TMIGD1: variants seen among roughly 807,000 people sequenced by gnomAD.
TMIGD1 encodes transmembrane and immunoglobulin domain containing 1.
A neutral mutation model predicts 27.5 loss-of-function variants in TMIGD1; 29 were observed. The ratio of observed to expected loss-of-function variants is 1.05; its 90% CI spans 0.78 to 1.44. TMIGD1 has a LOEUF of 1.44. Ranked by LOEUF, TMIGD1 falls within the 40% of genes most tolerant of loss-of-function variation. The pLI is 0.00. For missense variants in TMIGD1, 334 were observed against 310.6 expected, an observed-to-expected ratio of 1.08 and a Z score of -0.57; for synonymous variants, 109 against 110.3, an observed-to-expected ratio of 0.99 and a Z score of 0.07.
chr17:30,317,610 A>C lies in TMIGD1; in HGVS notation c.745-377T>G, dbSNP rs1909458016. On this transcript the variant is annotated intron_variant, in intron 5 of 6. Transcript: ENST00000328886. Reference sequence around the variant, plus strand: ...CCTGTCTCTACTAAAAATACAAAAAAACAGCCAGGCATGGTGCCACATGCC... The same window carrying C: ...CCTGTCTCTACTAAAAATACAAAAACACAGCCAGGCATGGTGCCACATGCC... Among the ~76,000 whole-genome samples the C allele has an allele frequency of 2.0e-5, 3 of 151,960 alleles. No individual in the cohort carries two copies. The South Asian group carries it at 6.2e-4, about 32-fold the overall frequency.
At chr17:30,318,276 G>C (rs754301254) in intron 5 of TMIGD1, among the ~76,000 whole-genome samples, 5 of 152,038 alleles carry the variant, frequency 3.3e-5, no homozygotes, top group Non-Finnish European at 5.9e-5. Context: ...GCTCTCCTTT[G>C]GCACTGAATT....
chr17:30,332,047 C>T lies in TMIGD1; in HGVS notation c.82+5G>A, dbSNP rs749480220. On this transcript the variant is annotated splice_donor_5th_base_variant and intron_variant, in intron 2 of 6. Transcript: ENST00000328886. The stretch of plus-strand genomic sequence containing the variant: ...AAAAAGAGGCCAAAAAGAACTTTAA[C>T]TTACTTGTCATCTCACGTGGCAGAA... The T allele has an allele frequency of 3.7e-6, 6 of 1,603,580 alleles. No individual in the cohort carries two copies. The East Asian group carries it at 8.9e-5, about 24-fold the overall frequency.
intron 2 of TMIGD1, 101 bp from the exon 3 acceptor site, chr17:30,329,630 A>G: frequency 5.7e-6 from 5 of 879,592 alleles, no homozygotes; most frequent in Non-Finnish European, 8.6e-6. Flanking sequence ...TCAGTAGAAC[A>G]AAATAAACTC....
chr17:30,319,968 C>T lies in TMIGD1; in HGVS notation c.641-1055G>A, dbSNP rs533706740. On this transcript the variant is annotated intron_variant, in intron 4 of 6. Coordinates refer to ENST00000328886, the MANE Select transcript of TMIGD1 (RefSeq NM_206832.3). ...CTTCTAACTTGGACTAGGAAGAGAT[C>T]AGCAGCAACCATGACAGCTTGGAAG... Among the ~76,000 whole-genome samples, 3 of 152,170 alleles carry T rather than the reference C, an allele frequency of 2.0e-5. No individual in the cohort carries two copies. The South Asian group carries it at 6.2e-4, about 32-fold the overall frequency.
intron 4 of TMIGD1, among the ~76,000 whole-genome samples, chr17:30,319,261 AATAT>A (rs1175035556): frequency 1.4e-5 from 1 of 69,068 alleles, no homozygotes; most frequent in African/African-American, 9.1e-5. Flanking sequence ...AAAAAAAAAA[AATAT>A]ATATATATAT....
intron 5 of TMIGD1, among the ~76,000 whole-genome samples, chr17:30,318,408 T>A (rs1909490456): frequency 6.6e-6 from 1 of 152,226 alleles, no homozygotes. Context: ...GGCATGTGGC[T>A]ATAGTCCAGA....
chr17:30,330,700 T>G (rs1410122261), intron 2 of TMIGD1, among the ~76,000 whole-genome samples: 2 of 152,060 alleles, frequency 1.3e-5, no homozygotes, highest in Non-Finnish European at 2.9e-5. Flanking sequence ...ACATACCAGG[T>G]TTTTTTTGTT....
At chr17:30,327,896 G>T (rs895962791) in intron 3 of TMIGD1, among the ~76,000 whole-genome samples, 14 of 152,038 alleles carry the variant, frequency 9.2e-5, no homozygotes, top group Non-Finnish European at 1.5e-5. Context: ...CAACCCATGT[G>T]ATCATCTACA....
chr17:30,331,960 A>G (rs1909992557), intron 2 of TMIGD1, 92 bp downstream of exon 2: 1 of 791,530 alleles, frequency 1.3e-6, no homozygotes, highest in South Asian at 1.7e-5. Flanking sequence ...TCCAATTTGG[A>G]ATTTAAGGAT....
In TMIGD1 at chr17:30,323,229, G is replaced by T. The variant is rs186690827; in HGVS notation, c.640+1587C>A. Among the ~76,000 whole-genome samples the T allele has an allele frequency of 3.9e-5, 6 of 152,198 alleles. No homozygotes were observed. The East Asian group carries it at 7.7e-4, about 20-fold the overall frequency. Reference sequence around the variant, plus strand: ...CTTTGGCAAGGGTAATTACATAACTGCCCCTCTCCCCTTGTCCTGTTTTAT... The same window carrying T: ...CTTTGGCAAGGGTAATTACATAACTTCCCCTCTCCCCTTGTCCTGTTTTAT... On this transcript the variant is annotated intron_variant, in intron 4 of 6. Coordinates refer to ENST00000328886, the MANE Select transcript of TMIGD1 (RefSeq NM_206832.3).
In TMIGD1 at chr17:30,329,529, C is replaced by T. The variant is rs1909906017; in HGVS notation, c.83G>A (p.Ser28Asn). The T allele has an allele frequency of 6.2e-7, 1 of 1,606,354 alleles. No individual in the cohort carries two copies. The highest frequency in any genetic ancestry group is 1.7e-5 in the Admixed American group (1 of 59,772). ...TTTACCATTCACAGTTAAAACAGAACCTGGGAGTATAGGGAGAAACTATTT... is the reference window on the plus strand; with the variant it reads ...TTTACCATTCACAGTTAAAACAGAATCTGGGAGTATAGGGAGAAACTATTT... ...VILFLPREMTSSVLTVNGKTE... is the reference protein window; with the variant it reads ...VILFLPREMTNSVLTVNGKTE... The change falls in exon 3 of 7, where the codon AGT becomes AAT. Residue 28 changes from serine to asparagine, a missense_variant and splice_region_variant. Coordinates refer to ENST00000328886, the MANE Select transcript of TMIGD1 (RefSeq NM_206832.3).
chr17:30,327,159 C>A (rs944509868), intron 3 of TMIGD1, among the ~76,000 whole-genome samples: 2 of 152,152 alleles, frequency 1.3e-5, no homozygotes, highest in African/African-American at 4.8e-5. Flanking sequence ...AAAACAATTT[C>A]TTTAAGTCAT....
At chr17:30,333,439 T>C (rs1366926126) in intron 1 of TMIGD1, among the ~76,000 whole-genome samples, 1 of 151,672 alleles carries the variant, frequency 6.6e-6, no homozygotes, top group Non-Finnish European at 1.5e-5. Context: ...AGGCTCGGTC[T>C]CAAAAAATAA....
intron 4 of TMIGD1, among the ~76,000 whole-genome samples, chr17:30,324,156 A>C (rs550472562): frequency 6.6e-6 from 1 of 152,314 alleles, no homozygotes; most frequent in Admixed American, 6.5e-5. Flanking sequence ...GTGTGCTAGC[A>C]TGAGAGCAGA....
intron 6 of TMIGD1, 110 bp downstream of exon 6, chr17:30,317,083 C>T: frequency 7.9e-7 from 1 of 1,261,204 alleles, no homozygotes; most frequent in Non-Finnish European, 1.2e-6. Flanking sequence ...CTCCTTTGAA[C>T]CCCTTCCCCT....
Position 30,316,606 on chromosome 17 carries a change from CAATA to C in TMIGD1, c.*77_*80del. The C allele has an allele frequency of 2.2e-6, 3 of 1,393,738 alleles. No individual in the cohort carries two copies. The highest frequency in any genetic ancestry group is 2.4e-5 in the South Asian group (2 of 82,164). 86.3% of individuals were successfully genotyped at this position (1,393,738 alleles called of 1,614,324 possible). On this transcript the variant is annotated 3_prime_UTR_variant, in exon 7 of 7. Coordinates refer to ENST00000328886, the MANE Select transcript of TMIGD1 (RefSeq NM_206832.3). ...GTGACAGGAGTGAATTTAATAATAG[CAATA>C]AATACAGATGGGACTACATAAATTG...
chr17:30,329,415 A>C lies in TMIGD1; in HGVS notation c.197T>G (p.Leu66Arg). ...CACTCTCCCCTCCTCTCGGTACCAG[A>C]GCAGTTCTTCCTCTCTGGTGTGGTT... ...VQNHTREEEL[L>R]WYREEGRVDL... is the part of the protein sequence containing the mutation. Residue 66 changes from leucine (L) to arginine (R), a missense_variant, in exon 3 of 7, where the codon CTC becomes CGC. Physicochemically the swap from Leu to Arg is moderately radical, Grantham distance 102 (BLOSUM62 -2). Transcript: ENST00000328886. 6.2e-7 allele frequency: 1 copy of C among 1,614,168 alleles called. No individual in the cohort carries two copies. The highest frequency in any genetic ancestry group is 1.6e-4 in the Middle Eastern group (1 of 6,062).
intron 2 of TMIGD1, 65 bp from the exon 3 acceptor site, chr17:30,329,594 G>T: frequency 7.2e-7 from 1 of 1,382,106 alleles, no homozygotes. Context: ...CATGAACAGG[G>T]GATTGGTTAA....
chr17:30,322,553 G>T (rs139360329), intron 4 of TMIGD1, among the ~76,000 whole-genome samples: 195 of 152,252 alleles, frequency 1.3e-3, no homozygotes, highest in African/African-American at 4.3e-3. Context: ...AGGCTGGAGC[G>T]CAGTGGTGCG....
Sources: allele counts gnomAD v4.1 joint callset (sites outside exome capture counted in the v4.1 genomes callset), GRCh38; gene constraint gnomAD v4.1.1; transcripts MANE v1.5; gene names NCBI Gene and HGNC (gene_info 2026-07-23, HGNC 2026-07-21).